BMP2K: variants seen among roughly 807,000 people sequenced by gnomAD.
The protein encoded by BMP2K is BMP-2-inducible protein kinase.
Under a neutral mutation model 116.0 loss-of-function variants are expected in BMP2K, and 74 were observed. The ratio of observed to expected loss-of-function variants is 0.64; its 90% CI spans 0.53 to 0.77. BMP2K has a LOEUF of 0.77. BMP2K is among the 30% of genes least tolerant of loss of function. BMP2K has a pLI of 0.00. For synonymous variants in BMP2K, 486 were observed against 502.5 expected, an observed-to-expected ratio of 0.97 and a Z score of 0.44; for missense variants, 1,365 against 1,403.6, an observed-to-expected ratio of 0.97 and a Z score of 0.44.
intron 1 of BMP2K, among the ~76,000 whole-genome samples, chr4:78,817,330 C>T (rs975663288): frequency 6.6e-6 from 1 of 152,222 alleles, no homozygotes; most frequent in Non-Finnish European, 1.5e-5. Context: ...AACACCAGCT[C>T]TAAGTCTTAG....
chr4:78,823,342 GACTAC>G (rs1181006194), intron 1 of BMP2K, among the ~76,000 whole-genome samples: 1 of 151,888 alleles, frequency 6.6e-6, no homozygotes, highest in Non-Finnish European at 1.5e-5. Flanking sequence ...TTACTTCAGT[GACTAC>G]ATAACTTGGT....
intron 1 of BMP2K, among the ~76,000 whole-genome samples, chr4:78,820,987 T>G (rs1386376354): frequency 6.6e-6 from 1 of 152,214 alleles, no homozygotes; most frequent in Non-Finnish European, 1.5e-5. Context: ...TTCTTTATTC[T>G]ATTTTGTAAA....
rs1419682777 is a variant in BMP2K at position 78,877,353 on chromosome 4, T to C, written c.1794-1381T>C. Among the ~76,000 whole-genome samples the C allele has an allele frequency of 2.0e-5, 3 of 152,210 alleles. No homozygotes were observed. The East Asian group carries it at 5.8e-4, about 29-fold the overall frequency. On this transcript the variant is annotated intron_variant, in intron 13 of 15. Transcript: ENST00000502613. The stretch of plus-strand genomic sequence containing the variant: ...CACAAAACACAAACATGTACAACTG[T>C]ACAAAAATATTTTCTTTATATTCTT...
At position 78,871,001 on chromosome 4, in the gene BMP2K, C is replaced by T; in HGVS notation, c.1450C>T (p.Gln484Ter). Residue 484 changes from glutamine to a stop codon, truncating the protein, a stop_gained, in exon 11 of 16, where the codon CAG becomes TAG. Transcript: ENST00000502613. LOFTEE classifies it high-confidence loss of function. ...ACAGCAACAGCAGCAGCAGCAGCAG[C>T]AGCAGCAGCACCACCACCACCACCA... ...QQQQQQQQQQ[Q>*]QQHHHHHHHH... The T allele has an allele frequency of 6.3e-7, 1 of 1,591,176 alleles. No individual in the cohort carries two copies. The highest frequency in any genetic ancestry group is 8.6e-7 in the Non-Finnish European group (1 of 1,164,934).
intron 15 of BMP2K, among the ~76,000 whole-genome samples, chr4:78,909,055 C>CTTTTTTTTTT (rs1053664659): frequency 7.4e-5 from 7 of 94,394 alleles, no homozygotes; most frequent in East Asian, 3.3e-4. Context: ...TTCCCTTAGT[C>CTTTTTTTTTT]TTTTTTTTTT....
At chr4:78,793,409 C>CA (rs59725143) in intron 1 of BMP2K, among the ~76,000 whole-genome samples, 7,636 of 80,810 alleles carry the variant, frequency 0.094, 619 homozygotes, top group African/African-American at 0.24. Flanking sequence ...GACTCCGTCT[C>CA]AAAAAAAAAA....
At chr4:78,869,408 G>A (rs1732222153) in intron 10 of BMP2K, among the ~76,000 whole-genome samples, 1 of 152,044 alleles carries the variant, frequency 6.6e-6, no homozygotes, top group Non-Finnish European at 1.5e-5. Flanking sequence ...TTTACTGAAG[G>A]ATATAAAATT....
chr4:78,780,115 A>C (rs1015811134), intron 1 of BMP2K, among the ~76,000 whole-genome samples: 1 of 152,192 alleles, frequency 6.6e-6, no homozygotes, highest in Non-Finnish European at 1.5e-5. Flanking sequence ...CACCATAACA[A>C]GCCTTTGGTG....
intron 3 of BMP2K, among the ~76,000 whole-genome samples, chr4:78,835,670 G>C (rs947816047): frequency 1.3e-5 from 2 of 151,170 alleles, no homozygotes; most frequent in African/African-American, 4.9e-5. Context: ...TTAAGCTGTG[G>C]CTGAATCAGT....
intron 1 of BMP2K, among the ~76,000 whole-genome samples, chr4:78,784,778 A>G (rs754970273): frequency 9.8e-5 from 15 of 152,336 alleles, no homozygotes; most frequent in Non-Finnish European, 1.8e-4. Flanking sequence ...ATCGGGGAAA[A>G]ATACCAGCTG....
At chr4:78,906,039 T>A (rs1012861515) in intron 15 of BMP2K, 3 of 152,124 alleles carry the variant, frequency 2.0e-5, no homozygotes, top group Non-Finnish European at 2.9e-5. Context: ...TCACCTTTCT[T>A]TCCCAGCTCT....
chr4:78,870,519 T>C (rs1490044477), intron 10 of BMP2K, among the ~76,000 whole-genome samples: 1 of 152,220 alleles, frequency 6.6e-6, no homozygotes, highest in Non-Finnish European at 1.5e-5. Context: ...AACATGGATG[T>C]TGTGTTCATG....
chr4:78,834,939 T>A (rs551132672), intron 3 of BMP2K, among the ~76,000 whole-genome samples: 1 of 152,344 alleles, frequency 6.6e-6, no homozygotes, highest in Non-Finnish European at 1.5e-5. Flanking sequence ...TACTATAAAG[T>A]ACTGTACTGT....
rs1416071002 is a variant in BMP2K, at chr4:78,878,767, C to T, written c.1827C>T (p.Phe609=). Residue 609 remains phenylalanine (F), a synonymous_variant, in exon 14 of 16, where the codon TTC becomes TTT. Transcript: ENST00000502613. ...SVADKEAIAN[F]TNQKNISNPP... ...CTGATAAAGAGGCCATTGCAAATTTCACAAATCAGAAGAACATCAGCAATC... is the reference window on the plus strand; with the variant it reads ...CTGATAAAGAGGCCATTGCAAATTTTACAAATCAGAAGAACATCAGCAATC... 2 of 1,611,906 alleles carry T rather than the reference C, an allele frequency of 1.2e-6. No individual in the cohort carries two copies. Among genetic ancestry groups the T allele is most frequent in the African/African-American group, 2.7e-5 (2 of 74,770 alleles).
At chr4:78,815,569 C>A (rs1342278568) in intron 1 of BMP2K, among the ~76,000 whole-genome samples, 1 of 152,000 alleles carries the variant, frequency 6.6e-6, no homozygotes, top group Non-Finnish European at 1.5e-5. Flanking sequence ...GAAAAACATA[C>A]TTTGTTTCTT....
intron 15 of BMP2K, among the ~76,000 whole-genome samples, chr4:78,894,395 A>G (rs1305890499): frequency 2.0e-5 from 3 of 152,160 alleles, no homozygotes; most frequent in Admixed American, 1.3e-4. Flanking sequence ...AATCTTCCGG[A>G]TAACTTGTTA....
intron 3 of BMP2K, among the ~76,000 whole-genome samples, chr4:78,836,287 G>T (rs1377862726): frequency 6.6e-6 from 1 of 151,786 alleles, no homozygotes; most frequent in Admixed American, 6.6e-5. Flanking sequence ...CGTAGTGGTG[G>T]ACGCCTGTAG....
chr4:78,854,339 T>C (rs9994118), intron 7 of BMP2K, among the ~76,000 whole-genome samples: 15,450 of 151,842 alleles, frequency 0.1, 2,560 homozygotes, highest in African/African-American at 0.35. Context: ...AATGGTGTGA[T>C]CTTGGCTCAC....
In BMP2K at chr4:78,850,975, G is replaced by A; in HGVS notation, c.802G>A (p.Glu268Lys). The change falls in exon 7 of 16, where the codon GAG (glutamate) becomes AAG (lysine). Residue 268 changes from glutamate (E) to lysine (K), a missense_variant. Physicochemically the swap from Glu to Lys is moderately conservative, Grantham distance 56. This residue lies in a region of BMP2K where 762 missense variants were observed against 756.7 expected (regional missense o/e 1.01). Coordinates refer to ENST00000502613, the MANE Select transcript of BMP2K (RefSeq NM_198892.2). The part of the protein sequence containing the change: ...KLCFFTLPFG[E>K]SQVAICDGNF... ...TTGTTTCTTCACTCTTCCTTTTGGT[G>A]AGAGTCAGGTTGCTATCTGTGATGG... 6.2e-7 allele frequency: 1 copy of A among 1,612,126 alleles called. No individual in the cohort carries two copies. The highest frequency in any genetic ancestry group is 8.5e-7 in the Non-Finnish European group (1 of 1,178,780).
Sources: gnomAD v4.1 joint callset for allele counts (sites outside exome capture counted in the v4.1 genomes callset) on GRCh38, gnomAD v4.1.1 for gene constraint, gnomAD v4.1.1 regional missense constraint, MANE v1.5 for transcripts, NCBI Gene and HGNC (gene_info 2026-07-23, HGNC 2026-07-21) for gene names.